TEX14: variants seen among roughly 807,000 people sequenced by gnomAD.
TEX14 encodes inactive serine/threonine-protein kinase TEX14.
A neutral mutation model predicts 178.6 loss-of-function variants in TEX14; 168 were observed. The observed-to-expected ratio is 0.94, with a 90% CI of 0.83 to 1.07. The LOEUF (loss-of-function observed/expected upper bound fraction) is 1.07, where lower values mean the gene tolerates loss of function less well. Among genes scored for constraint, TEX14 ranks in the 50% least tolerant of loss-of-function variants. The pLI, the probability that TEX14 is intolerant of heterozygous loss-of-function variation, is 0.00. For synonymous variants in TEX14, 626 were observed against 634.1 expected (o/e 0.99, Z 0.19); for missense variants, 1,730 against 1,753.6 (o/e 0.99, Z 0.24).
intron 14 of TEX14, 143 bp downstream of exon 14, chr17:58,598,733 C>G (rs1228303527): frequency 2.4e-6 from 2 of 836,802 alleles, no homozygotes; most frequent in Non-Finnish European, 1.9e-6. Context: ...TAGGATGCCC[C>G]TTCCTCCCAC....
chr17:58,686,971 T>C (rs968451572), intron 1 of TEX14, among the ~76,000 whole-genome samples: 3 of 144,034 alleles, frequency 2.1e-5, no homozygotes, highest in African/African-American at 7.8e-5. Flanking sequence ...TCTTTGGGGT[T>C]CAGGAGATTC....
intron 1 of TEX14, among the ~76,000 whole-genome samples, chr17:58,671,310 T>C (rs1201302283): frequency 6.6e-6 from 1 of 152,210 alleles, no homozygotes; most frequent in Non-Finnish European, 1.5e-5. Flanking sequence ...AGTAACTTTT[T>C]GTGCCATCCC....
intron 2 of TEX14, among the ~76,000 whole-genome samples, chr17:58,645,516 G>A (rs1182127771): frequency 1.3e-5 from 2 of 151,902 alleles, no homozygotes; most frequent in African/African-American, 4.8e-5. Context: ...CCGCCACCGC[G>A]CCCGACTAAT....
chr17:58,670,515 T>C (rs2047286259), intron 1 of TEX14, among the ~76,000 whole-genome samples: 1 of 151,780 alleles, frequency 6.6e-6, no homozygotes, highest in Non-Finnish European at 1.5e-5. Context: ...GGCTCACGCT[T>C]GTAATCCCAG....
Position 58,579,743 on chromosome 17 carries a change from CAAAAG to C in TEX14, c.3172-17_3172-13del, listed in dbSNP as rs753992797. The C allele has an allele frequency of 6.2e-7, 1 of 1,610,900 alleles. No homozygotes were observed. Among genetic ancestry groups the C allele is most frequent in the South Asian group, 1.1e-5 (1 of 90,602 alleles). On this transcript the variant is annotated splice_polypyrimidine_tract_variant and intron_variant, in intron 19 of 31. Transcript: ENST00000349033. Reference sequence around the variant, plus strand: ...ATGGGACTCGAGGTCTAAAAAAGAACAAAAGAAAAGCAAAGAAAGGAGGTTCACTG... The same window carrying C: ...ATGGGACTCGAGGTCTAAAAAAGAACAAAAGCAAAGAAAGGAGGTTCACTG...
At position 58,656,394 on chromosome 17, in the gene TEX14, G is replaced by A. The variant is rs113947039; in HGVS notation, c.-1-4392C>T. ...TGGGAGGTGGAGGTTGCAGTGAGCC[G>A]AGATCATGCCACTGCACTCCAGCCT... On this transcript the variant is annotated intron_variant, in intron 1 of 31. Coordinates refer to ENST00000349033, the MANE Select transcript of TEX14 (RefSeq NM_031272.5). 9.4e-3 allele frequency among the ~76,000 whole-genome samples: 1,394 copies of A among 148,586 alleles called. 22 individuals are homozygous for A. The highest frequency in any genetic ancestry group is 0.032 in the African/African-American group (1,285 of 40,180).
chr17:58,587,861 T>G, intron 16 of TEX14, 35 bp downstream of exon 16: 130 of 676,534 alleles, frequency 1.9e-4, no homozygotes, highest in Non-Finnish European at 2.9e-4. Flanking sequence ...CCACCCCCGC[T>G]CCACCACCAG....
intron 1 of TEX14, among the ~76,000 whole-genome samples, chr17:58,681,720 G>T (rs990483430): frequency 6.6e-6 from 1 of 151,964 alleles, no homozygotes; most frequent in African/African-American, 2.4e-5. Context: ...GTGTGCATCT[G>T]TAATCCCAGC....
At chr17:58,585,613 T>TC (rs1290660504) in intron 18 of TEX14, among the ~76,000 whole-genome samples, 188 bp downstream of exon 18, 7 of 135,024 alleles carry the variant, frequency 5.2e-5, no homozygotes, top group Non-Finnish European at 8.0e-5. Context: ...AGCTAATGTT[T>TC]TTTTTTTTTT....
rs911440857 is a variant in TEX14 at position 58,599,750 on chromosome 17, G to C, written c.1679-84C>G. On this transcript the variant is annotated intron_variant, in intron 13 of 31. Coordinates refer to ENST00000349033, the MANE Select transcript of TEX14 (RefSeq NM_031272.5). The stretch of plus-strand genomic sequence containing the variant: ...AGCCTTGGCTTGTTCAAGAGGCAAA[G>C]ACTGTCAAAAAAAAAAAAAAAGTTT... 4 of 1,051,596 alleles carry C rather than the reference G, an allele frequency of 3.8e-6. No homozygotes were observed. The African/African-American group carries it at 4.9e-5, about 13-fold the overall frequency. The allele number at this position is 1,051,596 out of a possible 1,614,324, so 65.1% of individuals were successfully genotyped here.
At chr17:58,615,381 T>C in intron 7 of TEX14, 36 bp from the exon 8 acceptor site, 1 of 1,290,066 alleles carries the variant, frequency 7.8e-7, no homozygotes, top group South Asian at 1.2e-5. Context: ...CAGAAAGGAG[T>C]GAGCAGCCAC....
chr17:58,657,087 G>A (rs2046985083), intron 1 of TEX14, among the ~76,000 whole-genome samples: 2 of 152,024 alleles, frequency 1.3e-5, no homozygotes, highest in South Asian at 4.2e-4. Flanking sequence ...GGGATTATAG[G>A]TGTGAGCCAC....
chr17:58,622,370 C>A (rs1238252810), intron 4 of TEX14, among the ~76,000 whole-genome samples: 1 of 151,546 alleles, frequency 6.6e-6, no homozygotes, highest in African/African-American at 2.4e-5. Context: ...TGCTTGAACC[C>A]AGGAGGCGGA....
rs144434884 is a variant in TEX14 at position 58,559,471 on chromosome 17, G to C, written c.4249C>G (p.Leu1417Val). 8.7e-6 allele frequency: 13 copies of C among 1,490,964 alleles called. No homozygotes were observed. The highest frequency in any genetic ancestry group is 1.4e-5 in the African/African-American group (1 of 71,828). 92.4% of individuals were successfully genotyped at this position (1,490,964 alleles called of 1,614,324 possible). Reference protein sequence around the residue: ...TPERRKSEGVLGTSEEDELKS... With the variant: ...TPERRKSEGVVGTSEEDELKS... ...TTCATACCTTCTTCAGAAGTCCCTA[G>C]AACACCCTCTGATTTCCTTCTTTCT... The change falls in exon 30 of 32, where the codon CTA (leucine) becomes GTA (valine). Residue 1417 changes from leucine to valine, a missense_variant. Around this residue, in one of 2 missense-constraint regions of TEX14, gnomAD observed 941 missense variants for 1,072.4 expected, o/e 0.88. Transcript: ENST00000349033.
chr17:58,661,230 CCA>C (rs2047103029), intron 1 of TEX14: 2 of 795,298 alleles, frequency 2.5e-6, no homozygotes, highest in Non-Finnish European at 4.6e-6. Context: ...TCAAACTCGG[CCA>C]CACGATAGTA....
intron 28 of TEX14, 120 bp from the exon 29 acceptor site, chr17:58,561,732 G>A (rs1179233030): frequency 4.6e-6 from 3 of 653,902 alleles, no homozygotes; most frequent in Non-Finnish European, 8.1e-6. Flanking sequence ...CTATATGTAT[G>A]AAAAAACAAG....
At chr17:58,610,309 C>T (rs948886630) in intron 10 of TEX14, among the ~76,000 whole-genome samples, 1 of 152,230 alleles carries the variant, frequency 6.6e-6, no homozygotes, top group African/African-American at 2.4e-5. Flanking sequence ...TTCCAGGATG[C>T]ACAGGTAAGG....
At chr17:58,570,859 G>C (rs1258521769) in intron 24 of TEX14, among the ~76,000 whole-genome samples, 1 of 151,968 alleles carries the variant, frequency 6.6e-6, no homozygotes, top group Non-Finnish European at 1.5e-5. Context: ...TCAAACTCCT[G>C]ATCTCAAATG....
At position 58,571,901 on chromosome 17, in the gene TEX14, C is replaced by T. The variant is rs201160183; in HGVS notation, c.3717+20G>A. 5.1e-4 allele frequency: 826 copies of T among 1,607,412 alleles called. 1 individual carries two copies. The African/African-American group carries it at 8.2e-3, about 16-fold the overall frequency. On this transcript the variant is annotated intron_variant, in intron 24 of 31. Transcript: ENST00000349033. ...TTGGGCTGACTCCATGAGTTTGTAACGTGGAATTGATATACTTACAAGACC... is the reference window on the plus strand; with the variant it reads ...TTGGGCTGACTCCATGAGTTTGTAATGTGGAATTGATATACTTACAAGACC...
Sources: gnomAD v4.1 joint callset for allele counts (sites outside exome capture counted in the v4.1 genomes callset) on GRCh38, gnomAD v4.1.1 for gene constraint, gnomAD v4.1.1 regional missense constraint, MANE v1.5 for transcripts, NCBI Gene and HGNC (gene_info 2026-07-23, HGNC 2026-07-21) for gene names.